The following MPP7 variants were observed in gnomAD, a reference collection of about 807,000 sequenced individuals.
MPP7 encodes the protein MAGUK p55 subfamily member 7.
Under a neutral mutation model 76.5 loss-of-function variants are expected in MPP7, and 60 were observed. That is an observed-to-expected ratio of 0.78 (90% confidence interval 0.64 to 0.97). The LOEUF (loss-of-function observed/expected upper bound fraction) is 0.97, where lower values mean the gene tolerates loss of function less well. Among genes scored for constraint, MPP7 ranks in the 50% least tolerant of loss-of-function variants. The pLI, the probability that MPP7 is intolerant of heterozygous loss-of-function variation, is 0.00. For missense variants in MPP7, 641 were observed against 694.0 expected, an observed-to-expected ratio of 0.92 and a Z score of 0.86; for synonymous variants, 237 against 244.5, an observed-to-expected ratio of 0.97 and a Z score of 0.29.
At chr10:28,238,506 T>G in intron 2 of MPP7, 62 bp downstream of exon 2, 1 of 1,552,554 alleles carries the variant, frequency 6.4e-7, no homozygotes, top group South Asian at 1.1e-5. Flanking sequence ...CATGCTGTAT[T>G]TCACTGTGAA....
intron 2 of MPP7, among the ~76,000 whole-genome samples, chr10:28,317,128 A>G (rs1316412543): frequency 6.6e-6 from 1 of 152,218 alleles, no homozygotes; most frequent in Non-Finnish European, 1.5e-5. Context: ...AGATATTCCA[A>G]AACAAAGAGC....
intron 1 of MPP7, among the ~76,000 whole-genome samples, chr10:28,263,382 A>C (rs1840050859): frequency 6.6e-6 from 1 of 152,132 alleles, no homozygotes; most frequent in Non-Finnish European, 1.5e-5. Flanking sequence ...AGAACACGGA[A>C]ACTGTTCATG....
chr10:28,296,567 C>T (rs11006995), intron 1 of MPP7, among the ~76,000 whole-genome samples: 17,997 of 152,190 alleles, frequency 0.12, 1,710 homozygotes, highest in East Asian at 0.48. Context: ...AAATGGATAT[C>T]GCAACTGCTA....
intron 3 of MPP7, among the ~76,000 whole-genome samples, chr10:28,177,369 C>T (rs1213281352): frequency 6.7e-6 from 1 of 150,322 alleles, no homozygotes; most frequent in African/African-American, 2.4e-5. Flanking sequence ...GATCACGCCA[C>T]TGCACTCCAG....
chr10:28,213,809 A>AAGAG (rs1211589640), intron 2 of MPP7, among the ~76,000 whole-genome samples: 1,745 of 136,468 alleles, frequency 0.013, 49 homozygotes, highest in African/African-American at 0.047. Flanking sequence ...AAAAAAAAAA[A>AAGAG]AGAGAGAGAG....
chr10:28,086,996 G>GT (rs1164462228), intron 12 of MPP7, among the ~76,000 whole-genome samples: 51 of 152,248 alleles, frequency 3.3e-4, no homozygotes, highest in African/African-American at 1.1e-3. Flanking sequence ...CTCGATGTTT[G>GT]TCCCCCCAAA....
rs1835879788 is a variant in MPP7, at chr10:28,151,429, TTAAA to T, written c.157-1374_157-1371del. On this transcript the variant is annotated intron_variant, in intron 3 of 16. Coordinates refer to ENST00000683449, the MANE Select transcript of MPP7 (RefSeq NM_001318170.2). ...TCATACTGAGCTAAATTCACTTTGT[TTAAA>T]TAATTATCGAGAATTAAGACATCTC... 2.0e-5 allele frequency among the ~76,000 whole-genome samples: 3 copies of T among 152,196 alleles called. No individual in the cohort carries two copies. The South Asian group carries it at 6.2e-4, about 32-fold the overall frequency.
intron 3 of MPP7, among the ~76,000 whole-genome samples, chr10:28,175,609 GGAAA>G (rs71523598): frequency 0.48 from 72,561 of 151,500 alleles, 20,243 homozygotes; most frequent in Middle Eastern, 0.72. Context: ...CACTTATAAA[GGAAA>G]GAAAGTTATA....
intron 5 of MPP7, among the ~76,000 whole-genome samples, chr10:28,146,916 G>A (rs1263761332): frequency 6.6e-6 from 1 of 152,150 alleles, no homozygotes; most frequent in Non-Finnish European, 1.5e-5. Context: ...ATCACATTTG[G>A]AGGAAAAATA....
In MPP7 at chr10:28,106,614, T is replaced by G. The variant is rs140557979; in HGVS notation, c.952+13037A>C. Among the ~76,000 whole-genome samples, 26 of 152,300 alleles carry G rather than the reference T, an allele frequency of 1.7e-4. No homozygotes were observed. The East Asian group carries it at 5.0e-3, about 29-fold the overall frequency. On this transcript the variant is annotated intron_variant, in intron 11 of 16. Transcript: ENST00000683449. ...CCACAATTATTTCCTTTTTCAGATA[T>G]TCAATTCTTTACCATTGGCTCGGTC...
chr10:28,254,242 A>G (rs1839714524), intron 1 of MPP7, among the ~76,000 whole-genome samples: 1 of 152,186 alleles, frequency 6.6e-6, no homozygotes, highest in Non-Finnish European at 1.5e-5. Context: ...CTTGCTGAAT[A>G]TAACTATCTT....
At chr10:28,173,305 G>A (rs533184306) in intron 3 of MPP7, among the ~76,000 whole-genome samples, 57 of 151,314 alleles carry the variant, frequency 3.8e-4, no homozygotes, top group African/African-American at 1.3e-3. Context: ...CCATTACTAC[G>A]GATTATCCAT....
At chr10:28,062,368 T>C (rs958017691) in intron 13 of MPP7, among the ~76,000 whole-genome samples, 1 of 151,750 alleles carries the variant, frequency 6.6e-6, no homozygotes, top group Non-Finnish European at 1.5e-5. Flanking sequence ...AATCCAGAGA[T>C]ACCACCAGAG....
chr10:28,262,200 T>TACAC (rs1358493281), intron 1 of MPP7, among the ~76,000 whole-genome samples: 1 of 15,906 alleles, frequency 6.3e-5, no homozygotes, highest in African/African-American at 1.5e-4. Context: ...TATATATATA[T>TACAC]ATATATACAT....
chr10:28,089,972 T>A (rs1853218306), intron 11 of MPP7, 131 bp from the exon 12 acceptor site: 1 of 589,946 alleles, frequency 1.7e-6, no homozygotes, highest in Admixed American at 3.1e-5. Flanking sequence ...AAAACCCTAA[T>A]GTTTTAGAGA....
intron 11 of MPP7, among the ~76,000 whole-genome samples, chr10:28,106,359 G>A (rs890497500): frequency 1.3e-5 from 2 of 152,126 alleles, no homozygotes; most frequent in African/African-American, 4.8e-5. Flanking sequence ...AAGATAAGAT[G>A]CCTGTAACAA....
chr10:28,111,728 G>C (rs909430227), intron 11 of MPP7, among the ~76,000 whole-genome samples: 3 of 152,042 alleles, frequency 2.0e-5, no homozygotes, highest in Non-Finnish European at 2.9e-5. Flanking sequence ...TCTGATGAAA[G>C]GTATTTTAGA....
intron 1 of MPP7, among the ~76,000 whole-genome samples, chr10:28,299,561 A>G (rs1384515343): frequency 6.6e-6 from 1 of 152,198 alleles, no homozygotes; most frequent in Non-Finnish European, 1.5e-5. Flanking sequence ...GAGAATTACC[A>G]AAATATGACA....
intron 13 of MPP7, among the ~76,000 whole-genome samples, chr10:28,068,940 T>C (rs1237175200): frequency 6.6e-6 from 1 of 152,278 alleles, no homozygotes; most frequent in South Asian, 2.1e-4. Context: ...AAAATCTGTG[T>C]AATTTAGCGC....
Sources: allele counts gnomAD v4.1 joint callset (sites outside exome capture counted in the v4.1 genomes callset), GRCh38; gene constraint gnomAD v4.1.1; transcripts MANE v1.5; gene names NCBI Gene and HGNC (gene_info 2026-07-23, HGNC 2026-07-21).